The following RBFOX3 variants were observed in gnomAD, a reference collection of about 807,000 sequenced individuals.
The protein encoded by RBFOX3 is RNA binding protein fox-1 homolog 3.
In RBFOX3, 17 loss-of-function variants were observed where a neutral mutation model predicts 48.7. The ratio of observed to expected loss-of-function variants is 0.35; its 90% CI spans 0.24 to 0.52. RBFOX3 has a LOEUF of 0.52. Ranked by LOEUF, RBFOX3 falls within the 20% of genes least tolerant of loss-of-function variation. The pLI is 0.94. For missense variants in RBFOX3, 382 were observed against 497.5 expected (o/e 0.77, Z 2.21); for synonymous variants, 212 against 209.5 (o/e 1.01, Z -0.10).
In RBFOX3 at chr17:79,285,242, C is replaced by G. The variant is rs140206610; in HGVS notation, c.-74+22482G>C. Among the ~76,000 whole-genome samples, 921 of 152,336 alleles carry G rather than the reference C, an allele frequency of 6.0e-3. 4 individuals carry two copies. The highest frequency in any genetic ancestry group is 0.021 in the African/African-American group (861 of 41,572). On this transcript the variant is annotated intron_variant, in intron 3 of 14. Coordinates refer to ENST00000693108, the MANE Select transcript of RBFOX3 (RefSeq NM_001350451.2). ...AGAAGCTGTCAGTGGCGCTGTCCCC[C>G]CTTTCTGCCCCAGCCAGGTGGATAG...
At chr17:79,493,117 G>T (rs1299517380) in intron 1 of RBFOX3, among the ~76,000 whole-genome samples, 1 of 152,114 alleles carries the variant, frequency 6.6e-6, no homozygotes, top group Non-Finnish European at 1.5e-5. Flanking sequence ...TCCACTCATG[G>T]TGGAAGCTGA....
chr17:79,657,339 G>A, the RBFOX3 span, among the ~76,000 whole-genome samples: 1 of 152,106 alleles, frequency 6.6e-6, no homozygotes, highest in Non-Finnish European at 1.5e-5. Context: ...CAACATCCCA[G>A]CCACACACAT....
chr17:79,555,170 A>G (rs1230924010), intron 1 of RBFOX3, among the ~76,000 whole-genome samples: 2 of 152,220 alleles, frequency 1.3e-5, no homozygotes, highest in African/African-American at 2.4e-5. Context: ...CATATCCCCA[A>G]TGGATGACTG....
At chr17:79,645,630 G>T in the RBFOX3 span, among the ~76,000 whole-genome samples, 7 of 152,170 alleles carry the variant, frequency 4.6e-5, no homozygotes, top group Non-Finnish European at 7.3e-5. Context: ...CCCAGGCCTG[G>T]CATCACCCAA....
chr17:79,453,085 G>A (rs782767827), intron 2 of RBFOX3, among the ~76,000 whole-genome samples: 44 of 152,364 alleles, frequency 2.9e-4, no homozygotes, highest in Non-Finnish European at 4.3e-4. Context: ...TCAAATGAGC[G>A]AATTTCTGCA....
At chr17:79,524,804 G>A (rs1360752677) in intron 1 of RBFOX3, among the ~76,000 whole-genome samples, 2 of 152,286 alleles carry the variant, frequency 1.3e-5, no homozygotes, top group Non-Finnish European at 2.9e-5. Context: ...CATCATGGGT[G>A]GGTTCAAGCC....
chr17:79,569,874 T>C (rs2092602813), intron 1 of RBFOX3, among the ~76,000 whole-genome samples: 1 of 151,952 alleles, frequency 6.6e-6, no homozygotes, highest in African/African-American at 2.4e-5. Context: ...AGATGGATTA[T>C]GGATGGATGG....
chr17:79,289,725 C>T (rs556838977), intron 3 of RBFOX3, among the ~76,000 whole-genome samples: 73 of 152,362 alleles, frequency 4.8e-4, no homozygotes, highest in African/African-American at 1.7e-3. Flanking sequence ...TGGTTTAGAG[C>T]TTCCCCCAGA....
intron 4 of RBFOX3, among the ~76,000 whole-genome samples, chr17:79,170,486 G>T (rs1016896890): frequency 1.3e-5 from 2 of 152,032 alleles, no homozygotes; most frequent in African/African-American, 4.8e-5. Context: ...GGGCTGGGGG[G>T]GCAAGGCCTG....
chr17:79,654,323 G>A, the RBFOX3 span, among the ~76,000 whole-genome samples: 1 of 152,194 alleles, frequency 6.6e-6, no homozygotes, highest in Non-Finnish European at 1.5e-5. Context: ...TTTTTTCACA[G>A]TGGGAAGACT....
chr17:79,331,880 G>A (rs182811805), intron 2 of RBFOX3, among the ~76,000 whole-genome samples: 1 of 152,296 alleles, frequency 6.6e-6, no homozygotes, highest in East Asian at 1.9e-4. Flanking sequence ...GGAGGGTCCC[G>A]ACCACCCAGT....
At chr17:79,335,508 A>T (rs2081056055) in intron 2 of RBFOX3, among the ~76,000 whole-genome samples, 1 of 152,184 alleles carries the variant, frequency 6.6e-6, no homozygotes, top group Non-Finnish European at 1.5e-5. Flanking sequence ...TTGGCCATGC[A>T]CGGATCCTCT....
At chr17:79,408,624 G>A (rs2063867595) in intron 2 of RBFOX3, among the ~76,000 whole-genome samples, 1 of 152,206 alleles carries the variant, frequency 6.6e-6, no homozygotes, top group African/African-American at 2.4e-5. Context: ...CAGGTCCCTA[G>A]GAGACCCTGT....
intron 4 of RBFOX3, among the ~76,000 whole-genome samples, chr17:79,191,683 T>A (rs2054560146): frequency 6.6e-6 from 1 of 152,152 alleles, no homozygotes; most frequent in Non-Finnish European, 1.5e-5. Flanking sequence ...CGAAGCCTCA[T>A]GGGAGCTGAG....
upstream of RBFOX3, among the ~76,000 whole-genome samples, chr17:79,613,467 A>G (rs1244175142): frequency 6.6e-6 from 1 of 152,206 alleles, no homozygotes; most frequent in Non-Finnish European, 1.5e-5. Flanking sequence ...GAGATTTTCC[A>G]TTTGGGGACG....
chr17:79,501,169 C>T (rs950719913), intron 1 of RBFOX3, among the ~76,000 whole-genome samples: 2,998 of 152,258 alleles, frequency 0.02, 91 homozygotes, highest in African/African-American at 0.07. Context: ...TGGGTCAAAC[C>T]CGAAAGCTAT....
At position 79,386,429 on chromosome 17, in the gene RBFOX3, G is replaced by A. The variant is rs544777112; in HGVS notation, c.-174-78605C>T. Among the ~76,000 whole-genome samples, 3 of 152,338 alleles carry A rather than the reference G, an allele frequency of 2.0e-5. No individual in the cohort carries two copies. The South Asian group carries it at 6.2e-4, about 32-fold the overall frequency. ...GGCTCCATCACTACTTTACACATAG[G>A]GAAACTCAATAAGAGCCAGAAAGTT... On this transcript the variant is annotated intron_variant, in intron 2 of 14. Transcript: ENST00000693108.
the RBFOX3 span, among the ~76,000 whole-genome samples, chr17:79,633,416 C>A: frequency 6.6e-6 from 1 of 152,254 alleles, no homozygotes; most frequent in African/African-American, 2.4e-5. Context: ...AGGGAGAACA[C>A]AGAACGCGTG....
intron 5 of RBFOX3, among the ~76,000 whole-genome samples, chr17:79,108,895 AAGGGCTGT>A (rs2077955688): frequency 6.6e-6 from 1 of 152,200 alleles, no homozygotes; most frequent in Non-Finnish European, 1.5e-5. Context: ...GTGGGGTCTC[AAGGGCTGT>A]AGGGCTGTGG....
Sources: allele counts gnomAD v4.1 joint callset (sites outside exome capture counted in the v4.1 genomes callset), GRCh38; gene constraint gnomAD v4.1.1; transcripts MANE v1.5; gene names NCBI Gene and HGNC (gene_info 2026-07-23, HGNC 2026-07-21).